The following PCDH11X variants were observed in gnomAD, a reference collection of about 807,000 sequenced individuals.
PCDH11X encodes protocadherin-11 X-linked.
In PCDH11X, 18 loss-of-function variants were observed where a neutral mutation model predicts 53.3. The ratio of observed to expected loss-of-function variants is 0.34; its 90% CI spans 0.23 to 0.50. PCDH11X has a LOEUF of 0.50. PCDH11X is among the 20% of genes least tolerant of loss of function. The probability of loss-of-function intolerance (pLI) is 0.98; values close to 1 mark genes in which losing one functional copy is unlikely to be tolerated. For missense variants in PCDH11X, 570 were observed against 1,032.4 expected, an observed-to-expected ratio of 0.55 and a Z score of 6.14; for synonymous variants, 279 against 393.3, an observed-to-expected ratio of 0.71 and a Z score of 3.44.
At chrX:91,833,926 C>T (rs954414040) in intron 4 of PCDH11X, among the ~76,000 whole-genome samples, 29 of 111,071 alleles carry the variant, frequency 2.6e-4, no homozygotes, top group African/African-American at 7.5e-4. Context: ...TTGATGTTAT[C>T]GATTACCAAT....
chrX:92,551,989 GTTTTT>G (rs56334896), intron 10 of PCDH11X, among the ~76,000 whole-genome samples: 18 of 76,153 alleles, frequency 2.4e-4, no homozygotes, highest in African/African-American at 5.2e-4. Context: ...GATTCCTCTG[GTTTTT>G]TTTTTTTTTT....
At chrX:91,800,314 C>T (rs996769899) in intron 1 of PCDH11X, among the ~76,000 whole-genome samples, 5 of 110,384 alleles carry the variant, frequency 4.5e-5, no homozygotes, top group Admixed American at 9.8e-5. Flanking sequence ...GTTTGAAAAT[C>T]TCCTTTATTA....
intron 9 of PCDH11X, among the ~76,000 whole-genome samples, chrX:92,414,898 T>C (rs983194057): frequency 1.4e-4 from 15 of 110,695 alleles, no homozygotes; most frequent in Admixed American, 2.9e-4. Context: ...GTCACATCCA[T>C]TGGCCTATGA....
intron 6 of PCDH11X, among the ~76,000 whole-genome samples, chrX:92,039,527 A>G (rs955521680): frequency 6.4e-5 from 7 of 110,198 alleles, no homozygotes; most frequent in Admixed American, 5.8e-4. Flanking sequence ...CTGCCAGGCC[A>G]CTGCTAATGT....
Position 91,783,640 on chromosome X carries a change from G to A in PCDH11X, c.-379+3956G>A, listed in dbSNP as rs571084214. On this transcript the variant is annotated intron_variant, in intron 1 of 10. Transcript: ENST00000682573. ...TAGGATTTATAAGATTCTTGGTGGA[G>A]CAAGGGGAGGCACATCGACAAAGGA... Among the ~76,000 whole-genome samples the A allele has an allele frequency of 3.8e-4, 43 of 112,127 alleles. No homozygotes were observed. In the South Asian group the frequency reaches 0.016, roughly 42 times the overall value.
At chrX:92,388,287 A>T (rs2071054641) in intron 9 of PCDH11X, among the ~76,000 whole-genome samples, 1 of 110,994 alleles carries the variant, frequency 9.0e-6, no homozygotes, top group Non-Finnish European at 1.9e-5. Flanking sequence ...TATAAAAATT[A>T]TTTTCTAGAT....
intron 10 of PCDH11X, among the ~76,000 whole-genome samples, chrX:92,482,978 C>T (rs1320690760): frequency 7.4e-5 from 8 of 108,818 alleles, no homozygotes; most frequent in African/African-American, 2.3e-4. Context: ...AAACATTAAA[C>T]ATAATATTTC....
chrX:92,399,945 G>A (rs2071349021), intron 9 of PCDH11X, among the ~76,000 whole-genome samples: 1 of 103,736 alleles, frequency 9.6e-6, no homozygotes, highest in African/African-American at 3.6e-5. Context: ...TAGAGATAGT[G>A]TTTCACCGTG....
At chrX:91,846,626 A>G (rs1191634051) in intron 5 of PCDH11X, among the ~76,000 whole-genome samples, 1 of 110,708 alleles carries the variant, frequency 9.0e-6, no homozygotes, top group Non-Finnish European at 1.9e-5. Context: ...TCAAAAAAAA[A>G]AAAAAGAAAA....
chrX:92,140,958 A>G (rs1337217123), intron 6 of PCDH11X, among the ~76,000 whole-genome samples: 1 of 111,672 alleles, frequency 9.0e-6, no homozygotes, highest in Non-Finnish European at 1.9e-5. Context: ...AAATATCTAT[A>G]TAAGTGTTAT....
chrX:91,884,045 G>T, intron 6 of PCDH11X: 2 of 284,263 alleles, frequency 7.0e-6, no homozygotes, highest in Non-Finnish European at 9.4e-6. Flanking sequence ...ACAAAAATTA[G>T]CCGGGCGTGG....
chrX:92,218,628 A>T (rs1180378214), intron 7 of PCDH11X, among the ~76,000 whole-genome samples: 1 of 111,307 alleles, frequency 9.0e-6, no homozygotes, highest in Non-Finnish European at 1.9e-5. Flanking sequence ...ACAAGGAGGA[A>T]TTGGTACCAT....
At chrX:92,264,133 G>T (rs1345742314) in intron 8 of PCDH11X, among the ~76,000 whole-genome samples, 1 of 112,172 alleles carries the variant, frequency 8.9e-6, no homozygotes, top group East Asian at 2.8e-4. Context: ...CCAGAGAGTT[G>T]TCTAAGCTAT....
intron 8 of PCDH11X, among the ~76,000 whole-genome samples, chrX:92,347,999 C>T (rs925162226): frequency 1.8e-5 from 2 of 111,454 alleles, no homozygotes; most frequent in Non-Finnish European, 3.8e-5. Flanking sequence ...AAAACAAGGG[C>T]TGATTTCAGT....
At chrX:92,352,767 C>T (rs1603284043) in intron 8 of PCDH11X, among the ~76,000 whole-genome samples, 1 of 111,432 alleles carries the variant, frequency 9.0e-6, no homozygotes, top group Non-Finnish European at 1.9e-5. Context: ...CTGGATCTAG[C>T]CACCCAGCAG....
At chrX:92,273,469 C>T (rs1255213313) in intron 8 of PCDH11X, among the ~76,000 whole-genome samples, 1 of 111,341 alleles carries the variant, frequency 9.0e-6, no homozygotes, top group African/African-American at 3.3e-5. Context: ...CCTTTCCGTG[C>T]AAGTCACAGG....
In PCDH11X at chrX:92,125,956, G is replaced by A. The variant is rs768744191; in HGVS notation, c.3034-75419G>A. On this transcript the variant is annotated intron_variant, in intron 6 of 10. Transcript: ENST00000682573. ...AGTATGGCCAACATGGTGAAACCTC[G>A]TCTCTACTAAAAATACAAAAATCAG... Among the ~76,000 whole-genome samples, 4 of 109,193 alleles carry A rather than the reference G, an allele frequency of 3.7e-5. No homozygotes were observed. In the South Asian group the frequency reaches 1.2e-3, roughly 33 times the overall value. 94.8% of individuals were successfully genotyped at this position (109,193 alleles called of 115,157 possible).
intron 9 of PCDH11X, among the ~76,000 whole-genome samples, chrX:92,429,764 T>C (rs1384651304): frequency 2.0e-5 from 2 of 99,765 alleles, no homozygotes; most frequent in Middle Eastern, 4.6e-3. Flanking sequence ...TGCTGCCTAG[T>C]GAGCCTCACT....
At chrX:92,445,294 T>A (rs184706229) in intron 9 of PCDH11X, among the ~76,000 whole-genome samples, 1 of 102,173 alleles carries the variant, frequency 9.8e-6, no homozygotes, top group East Asian at 3.3e-4. Flanking sequence ...TTCTTCCTGA[T>A]TCAATCTTGG....
Sources: allele counts gnomAD v4.1 joint callset (sites outside exome capture counted in the v4.1 genomes callset), GRCh38; gene constraint gnomAD v4.1.1; transcripts MANE v1.5; gene names NCBI Gene and HGNC (gene_info 2026-07-23, HGNC 2026-07-21).